The following GOLT1B variants were observed in gnomAD, a reference collection of about 807,000 sequenced individuals.
GOLT1B encodes the protein golgi transport 1B, also known as vesicle transport protein GOT1B.
A neutral mutation model predicts 15.4 loss-of-function variants in GOLT1B; 3 were observed. The observed-to-expected ratio is 0.19, with a 90% CI of 0.09 to 0.50. The LOEUF is 0.50. Among genes scored for constraint, GOLT1B ranks in the 20% least tolerant of loss-of-function variants. The probability of loss-of-function intolerance (pLI) is 0.97; values close to 1 mark genes in which losing one functional copy is unlikely to be tolerated. For synonymous variants in GOLT1B, 65 were observed against 56.2 expected (o/e 1.16, Z -0.70); for missense variants, 145 against 160.4 (o/e 0.90, Z 0.52).
rs1262816376 is a variant in GOLT1B, at chr12:21,512,369, T to C, written c.371T>C (p.Ile124Thr). 1 of 1,416,032 alleles carries C rather than the reference T, an allele frequency of 7.1e-7. No individual in the cohort carries two copies. The highest frequency in any genetic ancestry group is 1.7e-5 in the Admixed American group (1 of 59,524). 87.7% of individuals were successfully genotyped at this position (1,416,032 alleles called of 1,614,324 possible). A position where few individuals can be genotyped will look rare whatever the true frequency, so the allele number is the denominator to read the frequency against. ...VLGSLLNLPG[I>T]RSFVDKVGES... ...GGATCCCTCCTAAATTTACCTGGAA[T>C]TAGATCAGTAAGTAATCATGTATAT... The change falls in exon 4 of 5, where the codon ATT (isoleucine) becomes ACT (threonine). Residue 124 changes from isoleucine to threonine, a missense_variant. Physicochemically the swap from Ile to Thr is moderately conservative, Grantham distance 89. Transcript: ENST00000229314.
intron 4 of GOLT1B, among the ~76,000 whole-genome samples, chr12:21,512,914 A>G (rs1459926586): frequency 6.6e-6 from 1 of 152,022 alleles, no homozygotes; most frequent in Non-Finnish European, 1.5e-5. Context: ...CCGCAAATAC[A>G]AAAATTAGCT....
intron 1 of GOLT1B, among the ~76,000 whole-genome samples, chr12:21,502,191 G>A (rs1188599285): frequency 6.6e-6 from 1 of 152,150 alleles, no homozygotes; most frequent in Non-Finnish European, 1.5e-5. Context: ...TGTTGGGAGG[G>A]GAGCTTTAGC....
chr12:21,509,159 G>A (rs1485562297), intron 3 of GOLT1B, among the ~76,000 whole-genome samples: 2 of 152,030 alleles, frequency 1.3e-5, no homozygotes, highest in Admixed American at 1.3e-4. Flanking sequence ...AGCACTTTGG[G>A]AGGCCGAGGT....
At chr12:21,509,141 G>A (rs1247296211) in intron 3 of GOLT1B, among the ~76,000 whole-genome samples, 3 of 152,108 alleles carry the variant, frequency 2.0e-5, no homozygotes, top group Non-Finnish European at 4.4e-5. Context: ...GCTCACACCT[G>A]TAATCCCAGC....
At chr12:21,514,359 A>G (rs1943741355) in intron 4 of GOLT1B, among the ~76,000 whole-genome samples, 1 of 152,218 alleles carries the variant, frequency 6.6e-6, no homozygotes. Context: ...TGAATGCTCA[A>G]AGAGCTAAAG....
intron 1 of GOLT1B, among the ~76,000 whole-genome samples, chr12:21,506,254 A>C (rs778660382): frequency 1.3e-5 from 2 of 152,252 alleles, no homozygotes; most frequent in East Asian, 3.9e-4. Flanking sequence ...AAATTTGTAG[A>C]TAAGTCCATA....
At chr12:21,515,007 A>G (rs1943746130) in intron 4 of GOLT1B, among the ~76,000 whole-genome samples, 1 of 146,462 alleles carries the variant, frequency 6.8e-6, no homozygotes, top group South Asian at 2.2e-4. Flanking sequence ...AAAAAAAAAA[A>G]GCCCAACTGC....
rs762168449 is a variant in GOLT1B at position 21,515,718 on chromosome 12, A to C, written c.*11A>C. ...AACAATATGGTATAACAACAAGTGAATTTGAAGACTCATTTAAAATATTGT... is the reference window on the plus strand; with the variant it reads ...AACAATATGGTATAACAACAAGTGACTTTGAAGACTCATTTAAAATATTGT... On this transcript the variant is annotated 3_prime_UTR_variant, in exon 5 of 5. Transcript: ENST00000229314. 1 of 1,148,602 alleles carries C rather than the reference A, an allele frequency of 8.7e-7. No homozygotes were observed. The highest frequency in any genetic ancestry group is 1.3e-6 in the Non-Finnish European group (1 of 770,510). 71.2% of individuals were successfully genotyped at this position (1,148,602 alleles called of 1,614,324 possible).
intron 3 of GOLT1B, among the ~76,000 whole-genome samples, chr12:21,510,774 ATT>A (rs1163785627): frequency 1.3e-5 from 2 of 152,250 alleles, no homozygotes; most frequent in Non-Finnish European, 1.5e-5. Flanking sequence ...TAATTTAAAA[ATT>A]CTGCTTTCTG....
In GOLT1B at chr12:21,508,567, G is replaced by A; in HGVS notation, c.296+6G>A. The A allele has an allele frequency of 7.1e-7, 1 of 1,417,648 alleles. No homozygotes were observed. The highest frequency in any genetic ancestry group is 9.9e-7 in the Non-Finnish European group (1 of 1,010,170). The allele number at this position is 1,417,648 out of a possible 1,614,324, so 87.8% of individuals were successfully genotyped here. A position where few individuals can be genotyped will look rare whatever the true frequency, so the allele number is the denominator to read the frequency against. ...GGATTTTTTCTCTTGTTCAGGTAAGGCATATTATTGTCTCTTTCAGTAAAT... is the reference window on the plus strand; with the variant it reads ...GGATTTTTTCTCTTGTTCAGGTAAGACATATTATTGTCTCTTTCAGTAAAT... On this transcript the variant is annotated splice_donor_region_variant and intron_variant, in intron 3 of 4. Transcript: ENST00000229314.
Position 21,501,849 on chromosome 12 carries a change from C to T in GOLT1B, c.-75C>T, listed in dbSNP as rs2136797097. On this transcript the variant is annotated 5_prime_UTR_variant, in exon 1 of 5. Transcript: ENST00000229314. ...GGCTCTCGCCTGGGCTGTTTCCCGG[C>T]TTCATTTCTCCCGACTCAGCTTCCC... The T allele has an allele frequency of 1.9e-6, 2 of 1,049,034 alleles. No individual in the cohort carries two copies. The highest frequency in any genetic ancestry group is 1.3e-5 in the South Asian group (1 of 76,860). The allele number at this position is 1,049,034 out of a possible 1,614,324, so 65.0% of individuals were successfully genotyped here.
Position 21,501,956 on chromosome 12 carries a change from C to G in GOLT1B, c.25+8C>G. The G allele has an allele frequency of 6.2e-7, 1 of 1,603,362 alleles. No individual in the cohort carries two copies. The highest frequency in any genetic ancestry group is 2.2e-5 in the East Asian group (1 of 44,800). On this transcript the variant is annotated splice_region_variant and intron_variant, in intron 1 of 4. Transcript: ENST00000229314. Reference sequence around the variant, plus strand: ...CCTTAACGGACACGCAGAGTAAGCACCTGCTCCGGGGCCCCCGCCTCGAGC... The same window carrying G: ...CCTTAACGGACACGCAGAGTAAGCAGCTGCTCCGGGGCCCCCGCCTCGAGC...
At chr12:21,506,372 A>G (rs1943678659) in intron 1 of GOLT1B, among the ~76,000 whole-genome samples, 1 of 152,072 alleles carries the variant, frequency 6.6e-6, no homozygotes, top group Admixed American at 6.5e-5. Flanking sequence ...TGTGACAAGC[A>G]GTATATAATT....
In GOLT1B at chr12:21,516,254, T is replaced by C. The variant is rs1558502; in HGVS notation, c.*547T>C. 0.24 allele frequency: 36,794 copies of C among 152,022 alleles called. 6,413 individuals are homozygous for C. The highest frequency in any genetic ancestry group is 0.49 in the African/African-American group (20,156 of 41,430). 9.4% of individuals were successfully genotyped at this position (152,022 alleles called of 1,614,324 possible). A position where few individuals can be genotyped will look rare whatever the true frequency, so the allele number is the denominator to read the frequency against. ...TGTAAACATGGTTAAAATAAAACTTTTGTGGTTCTTCTGAATCTTAATATT... is the reference window on the plus strand; with the variant it reads ...TGTAAACATGGTTAAAATAAAACTTCTGTGGTTCTTCTGAATCTTAATATT... On this transcript the variant is annotated 3_prime_UTR_variant, in exon 5 of 5. Transcript: ENST00000229314.
Position 21,508,889 on chromosome 12 carries a change from G to GTAGATAGATAGA in GOLT1B, c.296+350_296+361dup, listed in dbSNP as rs60378515. On this transcript the variant is annotated intron_variant, in intron 3 of 4. Transcript: ENST00000229314. ...GATCGATCAATCGGTAGGTAGGTAG[G>GTAGATAGATAGA]TAGATAGATAGATAGATAGATAGAT... Among the ~76,000 whole-genome samples, 522 of 65,376 alleles carry GTAGATAGATAGA rather than the reference G, an allele frequency of 8.0e-3. 2 individuals carry two copies. The highest frequency in any genetic ancestry group is 0.016 in the Middle Eastern group (2 of 122). The allele number at this position is 65,376 out of a possible 152,430, so 42.9% of individuals were successfully genotyped here.
intron 3 of GOLT1B, among the ~76,000 whole-genome samples, chr12:21,511,356 C>T (rs1232126528): frequency 7.5e-6 from 1 of 133,016 alleles, no homozygotes; most frequent in African/African-American, 2.8e-5. Context: ...AACCCACCAT[C>T]CTCCAAGAAC....
At chr12:21,515,213 TG>T (rs1338866135) in intron 4 of GOLT1B, 2 of 1,307,242 alleles carry the variant, frequency 1.5e-6, no homozygotes, top group African/African-American at 1.5e-5. Context: ...TTGAACTTAA[TG>T]GAGTTAAATC....
chr12:21,506,405 G>A (rs992860530), intron 1 of GOLT1B, among the ~76,000 whole-genome samples: 7 of 151,856 alleles, frequency 4.6e-5, no homozygotes, highest in Non-Finnish European at 7.4e-5. Context: ...TTGATTGTGC[G>A]GACCTACCAT....
chr12:21,517,604 A>G lies in GOLT1B; in HGVS notation c.*1897A>G, dbSNP rs1228258391. Reference sequence around the variant, plus strand: ...AACTCCTTTGTAGACATGAATTTCTATCAAAATGTTCTTTGCACTGTAACA... The same window carrying G: ...AACTCCTTTGTAGACATGAATTTCTGTCAAAATGTTCTTTGCACTGTAACA... On this transcript the variant is annotated 3_prime_UTR_variant, in exon 5 of 5. Coordinates refer to ENST00000229314, the MANE Select transcript of GOLT1B (RefSeq NM_016072.5). 2 of 152,106 alleles carry G rather than the reference A, an allele frequency of 1.3e-5. No individual in the cohort carries two copies. The highest frequency in any genetic ancestry group is 2.1e-4 in the South Asian group (1 of 4,832). 9.4% of individuals were successfully genotyped at this position (152,106 alleles called of 1,614,324 possible).
Sources: allele counts gnomAD v4.1 joint callset (sites outside exome capture counted in the v4.1 genomes callset), GRCh38; gene constraint gnomAD v4.1.1; transcripts MANE v1.5; gene names NCBI Gene and HGNC (gene_info 2026-07-23, HGNC 2026-07-21).